PCDHGB7: variants seen among roughly 807,000 people sequenced by gnomAD.
PCDHGB7 encodes the protein protocadherin gamma subfamily B, 7.
Under a neutral mutation model 61.4 loss-of-function variants are expected in PCDHGB7, and 37 were observed. That is an observed-to-expected ratio of 0.60 (90% confidence interval 0.46 to 0.79). The LOEUF is 0.79. Among genes scored for constraint, PCDHGB7 ranks in the 30% least tolerant of loss-of-function variants. The pLI is 0.00. For synonymous variants in PCDHGB7, 464 were observed against 503.5 expected (o/e 0.92, Z 1.05); for missense variants, 1,166 against 1,202.5 (o/e 0.97, Z 0.45).
At position 141,493,726 on chromosome 5, in the gene PCDHGB7, G is replaced by C. The variant is rs1032021616; in HGVS notation, c.2416-1081G>C. ...CTGGAATGCTAGGTTTCTGGGTTCT[G>C]CTCATATCACTGCCACCTGTGAGCC... On this transcript the variant is annotated intron_variant, in intron 1 of 3. Coordinates refer to ENST00000398594, the MANE Select transcript of PCDHGB7 (RefSeq NM_018927.4). This position sits in a 1 kb window ranked among gnomAD's most constrained non-coding sequence, Gnocchi z 4.3. Among the ~76,000 whole-genome samples, 2 of 152,154 alleles carry C rather than the reference G, an allele frequency of 1.3e-5. No individual in the cohort carries two copies. Among genetic ancestry groups the C allele is most frequent in the African/African-American group, 4.8e-5 (2 of 41,438 alleles).
intron 1 of PCDHGB7, among the ~76,000 whole-genome samples, chr5:141,488,675 T>C (rs888235928): frequency 2.6e-5 from 4 of 152,116 alleles, no homozygotes; most frequent in Admixed American, 1.3e-4. Flanking sequence ...TACATGGGCT[T>C]TGCCTCTCCC....
At chr5:141,430,827 T>A in intron 1 of PCDHGB7, 1 of 1,551,000 alleles carries the variant, frequency 6.4e-7, no homozygotes, top group South Asian at 1.3e-5. Flanking sequence ...CTGGGGACTC[T>A]GTGGGAGACC....
chr5:141,427,028 C>T (rs960885416), intron 1 of PCDHGB7: 12 of 456,928 alleles, frequency 2.6e-5, no homozygotes, highest in Admixed American at 2.1e-4. Flanking sequence ...ACAAAGTCAG[C>T]CTTAGAGAGA....
Position 141,490,600 on chromosome 5 carries a change from T to G in PCDHGB7, c.2416-4207T>G. 6.2e-7 allele frequency: 1 copy of G among 1,614,164 alleles called. No homozygotes were observed. Among genetic ancestry groups the G allele is most frequent in the South Asian group, 1.1e-5 (1 of 91,072 alleles). ...AGATGTCAATGACAATGCACCCCGCTTCAACCAGCAGCTTTACACTGCTTA... is the reference window on the plus strand; with the variant it reads ...AGATGTCAATGACAATGCACCCCGCGTCAACCAGCAGCTTTACACTGCTTA... On this transcript the variant is annotated intron_variant, in intron 1 of 3. Coordinates refer to ENST00000398594, the MANE Select transcript of PCDHGB7 (RefSeq NM_018927.4). The surrounding 1 kb of genome is among the most constrained non-coding windows in gnomAD (Gnocchi z 5.4).
intron 2 of PCDHGB7, among the ~76,000 whole-genome samples, chr5:141,502,866 C>CTCTTTTTT (rs1554188502): frequency 2.3e-5 from 3 of 128,046 alleles, no homozygotes; most frequent in Non-Finnish European, 3.2e-5. Flanking sequence ...GACTCTCTGT[C>CTCTTTTTT]TTTTTTTTTT....
intron 1 of PCDHGB7, among the ~76,000 whole-genome samples, chr5:141,456,464 A>T (rs1430885015): frequency 6.6e-6 from 1 of 152,192 alleles, no homozygotes; most frequent in Non-Finnish European, 1.5e-5. Flanking sequence ...TCAATACAAG[A>T]CATATAAGCA....
intron 1 of PCDHGB7, chr5:141,423,106 G>A (rs562864937): frequency 1.2e-6 from 2 of 1,613,894 alleles, no homozygotes; most frequent in Admixed American, 1.7e-5. Context: ...CACGGGCGAG[G>A]TGCGTACAGC....
intron 1 of PCDHGB7, among the ~76,000 whole-genome samples, chr5:141,459,561 C>T (rs912894386): frequency 2.6e-5 from 4 of 151,954 alleles, no homozygotes; most frequent in African/African-American, 7.3e-5. Context: ...GGATAAATAC[C>T]CCAAAACAGA....
Position 141,418,518 on chromosome 5 carries a change from C to G in PCDHGB7, c.659C>G (p.Pro220Arg). Reference sequence around the variant, plus strand: ...CTGACCGCCTTAGATGGTGGGGACCCTCCCCGAAGCGGTACTGCTCAGATA... The same window carrying G: ...CTGACCGCCTTAGATGGTGGGGACCGTCCCCGAAGCGGTACTGCTCAGATA... Reference protein sequence around the residue: ...LVLTALDGGDPPRSGTAQIRI... With the variant: ...LVLTALDGGDRPRSGTAQIRI... Residue 220 changes from proline to arginine, a missense_variant, in exon 1 of 4, where the codon CCT becomes CGT. Coordinates refer to ENST00000398594, the MANE Select transcript of PCDHGB7 (RefSeq NM_018927.4). The G allele has an allele frequency of 2.5e-6, 4 of 1,613,986 alleles. 1 individual carries two copies.
chr5:141,476,271 C>T lies in PCDHGB7; in HGVS notation c.2416-18536C>T. Reference sequence around the variant, plus strand: ...GGTTTCGCTGTGGGCAACGTGGTCGCGAACCTTGGTTTGGATCTCGGTAGC... The same window carrying T: ...GGTTTCGCTGTGGGCAACGTGGTCGTGAACCTTGGTTTGGATCTCGGTAGC... On this transcript the variant is annotated intron_variant, in intron 1 of 3. Coordinates refer to ENST00000398594, the MANE Select transcript of PCDHGB7 (RefSeq NM_018927.4). This position sits in a 1 kb window ranked among gnomAD's most constrained non-coding sequence, Gnocchi z 7.6. 4 of 1,613,892 alleles carry T rather than the reference C, an allele frequency of 2.5e-6. No homozygotes were observed. The highest frequency in any genetic ancestry group is 3.4e-6 in the Non-Finnish European group (4 of 1,179,974).
chr5:141,418,277 T>G lies in PCDHGB7; in HGVS notation c.418T>G (p.Leu140Val). ...APQFRKDEIN[L>V]EISESVSLGM... ...TCAATTCCGGAAAGATGAAATAAAC[T>G]TAGAAATCAGTGAATCCGTCAGCCT... The change falls in exon 1 of 4, where the codon TTA (leucine) becomes GTA (valine). Residue 140 changes from leucine to valine, a missense_variant. Coordinates refer to ENST00000398594, the MANE Select transcript of PCDHGB7 (RefSeq NM_018927.4). 2 of 1,614,026 alleles carry G rather than the reference T, an allele frequency of 1.2e-6. No homozygotes were observed. Among genetic ancestry groups the G allele is most frequent in the Non-Finnish European group, 1.7e-6 (2 of 1,179,878 alleles).
rs1428628914 is a variant in PCDHGB7, at chr5:141,487,223, G to A, written c.2416-7584G>A. 1.2e-6 allele frequency: 2 copies of A among 1,614,076 alleles called. No homozygotes were observed. The highest frequency in any genetic ancestry group is 2.2e-5 in the East Asian group (1 of 44,866). The stretch of plus-strand genomic sequence containing the variant: ...TCTTCGAGAATCTTCAGCTCCAAGG[G>A]AAGGAGAATCTCGTCTAACCCTCTA... On this transcript the variant is annotated intron_variant, in intron 1 of 3. Transcript: ENST00000398594. This position sits in a 1 kb window ranked among gnomAD's most constrained non-coding sequence, Gnocchi z 5.0.
At chr5:141,467,537 A>G (rs2154569542) in intron 1 of PCDHGB7, among the ~76,000 whole-genome samples, 1 of 152,192 alleles carries the variant, frequency 6.6e-6, no homozygotes, top group Non-Finnish European at 1.5e-5. Context: ...TGAGATATGG[A>G]TCTGATTATA....
In PCDHGB7 at chr5:141,491,632, C is replaced by T; in HGVS notation, c.2416-3175C>T. On this transcript the variant is annotated intron_variant, in intron 1 of 3. Transcript: ENST00000398594. This position sits in a 1 kb window ranked among gnomAD's most constrained non-coding sequence, Gnocchi z 6.9. ...TCTAAGACCCCTCAGCGTTCAGCAG[C>T]CCACAGCTCTGGCGCTGGAGCCTGA... 1.2e-6 allele frequency: 2 copies of T among 1,613,886 alleles called. No individual in the cohort carries two copies. The highest frequency in any genetic ancestry group is 1.7e-6 in the Non-Finnish European group (2 of 1,179,994).
At chr5:141,478,840 A>G (rs2099480064) in intron 1 of PCDHGB7, 1 of 1,410,466 alleles carries the variant, frequency 7.1e-7, no homozygotes, top group Non-Finnish European at 9.3e-7. Context: ...AGGGATGGTT[A>G]AGCTAAAACA....
rs761468303 is a variant in PCDHGB7 at position 141,421,659 on chromosome 5, T to C, written c.2415+1385T>C. 4 of 1,613,700 alleles carry C rather than the reference T, an allele frequency of 2.5e-6. No individual in the cohort carries two copies. The Admixed American group carries it at 6.7e-5, about 27-fold the overall frequency. On this transcript the variant is annotated intron_variant, in intron 1 of 3. Transcript: ENST00000398594. ...AGGACGAAGTGGAGATAAAAGTCAG[T>C]GAGCACGCAATTCCTGGGGCGCGAT...
At chr5:141,468,330 C>CAAAAA (rs533390277) in intron 1 of PCDHGB7, 4 of 79,848 alleles carry the variant, frequency 5.0e-5, no homozygotes, top group African/African-American at 7.8e-5. Context: ...AACTCCATCT[C>CAAAAA]AAAAAAAAAA....
chr5:141,440,077 C>T (rs983267885), intron 1 of PCDHGB7: 1 of 152,424 alleles, frequency 6.6e-6, no homozygotes, highest in Non-Finnish European at 1.5e-5. Flanking sequence ...AGGAATAATA[C>T]TTCATTCTAA....
chr5:141,476,557 C>T lies in PCDHGB7; in HGVS notation c.2416-18250C>T. On this transcript the variant is annotated intron_variant, in intron 1 of 3. Coordinates refer to ENST00000398594, the MANE Select transcript of PCDHGB7 (RefSeq NM_018927.4). This position sits in a 1 kb window ranked among gnomAD's most constrained non-coding sequence, Gnocchi z 7.6. ...AAATGAAATTGGAGATTAGCGAGGC[C>T]GTGGCTCCGGGGACGCGCTTTCCGC... The T allele has an allele frequency of 1.2e-6, 2 of 1,614,222 alleles. No homozygotes were observed. The highest frequency in any genetic ancestry group is 1.3e-5 in the African/African-American group (1 of 75,060).
Sources: gnomAD v4.1 joint callset for allele counts (sites outside exome capture counted in the v4.1 genomes callset) on GRCh38, gnomAD v4.1.1 for gene constraint, Gnocchi (gnomAD v3.1) non-coding constraint, MANE v1.5 for transcripts, NCBI Gene and HGNC (gene_info 2026-07-23, HGNC 2026-07-21) for gene names.